COL4A2: variants seen among roughly 807,000 people sequenced by gnomAD.
The protein encoded by COL4A2 is collagen alpha-2(IV) chain.
COL4A2 carries 99 observed loss-of-function variants against 200.2 expected under a neutral mutation model. The observed-to-expected ratio is 0.49, with a 90% CI of 0.42 to 0.58. The LOEUF (loss-of-function observed/expected upper bound fraction) is 0.58, where lower values mean the gene tolerates loss of function less well. COL4A2 is among the 20% of genes least tolerant of loss of function. The pLI is 0.00. For synonymous variants in COL4A2, 897 were observed against 900.6 expected, an observed-to-expected ratio of 1.00 and a Z score of 0.07; for missense variants, 1,950 against 2,314.1, an observed-to-expected ratio of 0.84 and a Z score of 3.23.
At chr13:110,386,408 G>A (rs552817987) in intron 4 of COL4A2, among the ~76,000 whole-genome samples, 1 of 152,304 alleles carries the variant, frequency 6.6e-6, no homozygotes, top group Admixed American at 6.5e-5. Flanking sequence ...TGCTGGAAAA[G>A]TAGGATGGCT....
chr13:110,327,745 G>C (rs1875695105), intron 3 of COL4A2, among the ~76,000 whole-genome samples: 1 of 152,166 alleles, frequency 6.6e-6, no homozygotes, highest in Middle Eastern at 3.2e-3. Flanking sequence ...CCCTGCTGTG[G>C]CCCACACCCC....
intron 3 of COL4A2, among the ~76,000 whole-genome samples, chr13:110,318,328 T>A (rs115243474): frequency 0.12 from 17,831 of 152,106 alleles, 1,827 homozygotes; most frequent in East Asian, 0.38. Flanking sequence ...GGGTATGGTT[T>A]GGGTTGTCCA....
chr13:110,432,230 T>C, intron 10 of COL4A2, 95 bp from the exon 11 acceptor site: 2 of 1,437,032 alleles, frequency 1.4e-6, no homozygotes, highest in Admixed American at 5.6e-5. Context: ...GTGTCCTAAA[T>C]ATACAGTCAA....
rs979419235 is a variant in COL4A2 at position 110,370,127 on chromosome 13, T to C, written c.180+12575T>C. On this transcript the variant is annotated intron_variant, in intron 4 of 47. Transcript: ENST00000360467. ...TTTGGAAGCTGTACTTCTAAAACTC[T>C]GTCCTAGAATCACATCACTCTCTTT... Among the ~76,000 whole-genome samples the C allele has an allele frequency of 2.0e-5, 3 of 152,028 alleles. No homozygotes were observed. In the East Asian group the frequency reaches 5.8e-4, roughly 29 times the overall value.
rs73625358 is a variant in COL4A2, at chr13:110,362,921, C to A, written c.180+5369C>A. 4.6e-3 allele frequency among the ~76,000 whole-genome samples: 707 copies of A among 152,304 alleles called. 6 individuals carry two copies. The highest frequency in any genetic ancestry group is 0.016 in the African/African-American group (666 of 41,570). On this transcript the variant is annotated intron_variant, in intron 4 of 47. Coordinates refer to ENST00000360467, the MANE Select transcript of COL4A2 (RefSeq NM_001846.4). ...TCAGTAACTTAGCCAGGTTCCTGTT[C>A]TCCCCCAAACATCTGATTTTTGACC...
At chr13:110,328,923 A>G (rs1875772242) in intron 3 of COL4A2, among the ~76,000 whole-genome samples, 1 of 152,230 alleles carries the variant, frequency 6.6e-6, no homozygotes. Flanking sequence ...ACTGTTTTTA[A>G]AAGCCTGCTT....
chr13:110,465,405 G>GGT lies in COL4A2; in HGVS notation c.1779_1780dup (p.Asp594ValfsTer67). 1 of 1,604,548 alleles carries GGT rather than the reference G, an allele frequency of 6.2e-7. No homozygotes were observed. Among genetic ancestry groups the GGT allele is most frequent in the Non-Finnish European group, 8.5e-7 (1 of 1,177,576 alleles). ...AGAAATAAACTGAATTTTCACACAG[G>GGT]GTGATGGCATCAAGGGCCCTCCAGG... On this transcript the variant is annotated frameshift_variant and splice_region_variant, in exon 25 of 48. Transcript: ENST00000360467. LOFTEE classifies it high-confidence loss of function.
chr13:110,452,038 A>T (rs113219685), intron 20 of COL4A2, among the ~76,000 whole-genome samples: 71 of 152,370 alleles, frequency 4.7e-4, no homozygotes, highest in African/African-American at 1.7e-3. Context: ...ATAATCTCTT[A>T]CAGCCTCCTA....
At chr13:110,498,313 C>T (rs1883529021) in intron 40 of COL4A2, among the ~76,000 whole-genome samples, 1 of 152,128 alleles carries the variant, frequency 6.6e-6, no homozygotes, top group Non-Finnish European at 1.5e-5. Context: ...GCGTTGTTTT[C>T]AGAGTGTCAT....
intron 29 of COL4A2, chr13:110,473,586 T>A (rs9521796): frequency 0.33 from 52,325 of 159,042 alleles, 8,753 homozygotes; most frequent in East Asian, 0.4. Context: ...ATACATTTTT[T>A]AAAATGTCTT....
chr13:110,318,698 G>T (rs1317726592), intron 3 of COL4A2, among the ~76,000 whole-genome samples: 1 of 152,120 alleles, frequency 6.6e-6, no homozygotes, highest in Non-Finnish European at 1.5e-5. Flanking sequence ...CCTTATGCAC[G>T]TGCCCAGAGG....
chr13:110,317,412 C>T (rs566066772), intron 3 of COL4A2, among the ~76,000 whole-genome samples: 1 of 152,242 alleles, frequency 6.6e-6, no homozygotes, highest in South Asian at 2.1e-4. Context: ...ACACACTTAG[C>T]CGGAGGACGC....
intron 7 of COL4A2, 117 bp from the exon 8 acceptor site, chr13:110,429,768 A>G: frequency 1.1e-6 from 1 of 943,076 alleles, no homozygotes; most frequent in Non-Finnish European, 1.6e-6. Context: ...AGCCATAAGA[A>G]CAATTAGACC....
intron 3 of COL4A2, among the ~76,000 whole-genome samples, chr13:110,334,852 G>A (rs1463022587): frequency 6.6e-6 from 1 of 152,228 alleles, no homozygotes; most frequent in Non-Finnish European, 1.5e-5. Flanking sequence ...AAGTGCAAGA[G>A]AAAAGACCAG....
At chr13:110,328,537 C>G (rs993186314) in intron 3 of COL4A2, 2 of 152,212 alleles carry the variant, frequency 1.3e-5, no homozygotes, top group African/African-American at 4.8e-5. Context: ...AATAGAACAG[C>G]GCACTTTTCA....
intron 3 of COL4A2, among the ~76,000 whole-genome samples, chr13:110,350,902 C>A (rs1275226334): frequency 6.6e-6 from 1 of 152,166 alleles, no homozygotes; most frequent in Non-Finnish European, 1.5e-5. Context: ...GTGTCTAAGT[C>A]CCTGCCTCTG....
intron 3 of COL4A2, among the ~76,000 whole-genome samples, chr13:110,354,852 C>G (rs1877122094): frequency 6.6e-6 from 1 of 152,202 alleles, no homozygotes; most frequent in Admixed American, 6.5e-5. Flanking sequence ...CGTGTCCTGC[C>G]CTTCTGCCCT....
intron 18 of COL4A2, among the ~76,000 whole-genome samples, chr13:110,447,948 G>A (rs1881393392): frequency 6.6e-6 from 1 of 152,172 alleles, no homozygotes; most frequent in South Asian, 2.1e-4. Context: ...TTCATCCAAT[G>A]CTGATCAAAA....
At chr13:110,326,743 C>G (rs926872835) in intron 3 of COL4A2, among the ~76,000 whole-genome samples, 31 of 152,300 alleles carry the variant, frequency 2.0e-4, no homozygotes, top group Non-Finnish European at 4.4e-4. Flanking sequence ...AGTGGAACCC[C>G]CTACATCCCA....
Sources: gnomAD v4.1 joint callset for allele counts (sites outside exome capture counted in the v4.1 genomes callset) on GRCh38, gnomAD v4.1.1 for gene constraint, MANE v1.5 for transcripts, NCBI Gene and HGNC (gene_info 2026-07-23, HGNC 2026-07-21) for gene names.